Variants in NFIX observed in about 807,000 individuals in gnomAD.
NFIX encodes the protein nuclear factor 1 X-type.
NFIX carries 2 observed loss-of-function variants against 53.3 expected under a neutral mutation model. That is an observed-to-expected ratio of 0.04 (90% CI 0.02 to 0.12). The LOEUF (loss-of-function observed/expected upper bound fraction) is 0.12. Among genes scored for constraint, NFIX ranks in the 10% least tolerant of loss-of-function variants. The pLI is 1.00. For synonymous variants in NFIX, 244 were observed against 289.0 expected, an observed-to-expected ratio of 0.84 and a Z score of 1.58; for missense variants, 310 against 674.5, an observed-to-expected ratio of 0.46 and a Z score of 5.99.
intron 2 of NFIX, among the ~76,000 whole-genome samples, chr19:13,026,198 T>A (rs1014709218): frequency 6.6e-6 from 1 of 151,916 alleles, no homozygotes; most frequent in Non-Finnish European, 1.5e-5. Context: ...TCATAGAGAG[T>A]GAAAACAAGG....
rs1161402883 is a variant in NFIX, at chr19:13,088,779, C to T, written c.1402+643C>T. 6.6e-6 allele frequency among the ~76,000 whole-genome samples: 1 copy of T among 152,154 alleles called. No homozygotes were observed. Among genetic ancestry groups the T allele is most frequent in the East Asian group, 1.9e-4 (1 of 5,190 alleles). On this transcript the variant is annotated intron_variant, in intron 9 of 10. Transcript: ENST00000592199. This position sits in a 1 kb window ranked among gnomAD's most constrained non-coding sequence, Gnocchi z 5.9. ...CAATTCCTTTCCCAGGTTAGATGTT[C>T]CAAGGACGAGGGAGGGCTGTGGGCT... is the stretch of plus-strand genomic sequence containing the variant.
chr19:13,052,214 A>G lies in NFIX; in HGVS notation c.560-20833A>G, dbSNP rs1290580190. Among the ~76,000 whole-genome samples, 1 of 152,002 alleles carries G rather than the reference A, an allele frequency of 6.6e-6. No homozygotes were observed. Among genetic ancestry groups the G allele is most frequent in the Non-Finnish European group, 1.5e-5 (1 of 67,970 alleles). On this transcript the variant is annotated intron_variant, in intron 2 of 10. Coordinates refer to ENST00000592199, the MANE Select transcript of NFIX (RefSeq NM_001365902.3). The surrounding 1 kb of genome is among the most constrained non-coding windows in gnomAD (Gnocchi z 5.2). ...GCAGGGCTCGTGAATCTGCATTTCC[A>G]CCTAGTACCCAGGTGCTGTTGGTCC...
rs1599876986 is a variant in NFIX, at chr19:13,088,667, A to G, written c.1402+531A>G. Among the ~76,000 whole-genome samples, 2 of 147,008 alleles carry G rather than the reference A, an allele frequency of 1.4e-5. No individual in the cohort carries two copies. Among genetic ancestry groups the G allele is most frequent in the East Asian group, 2.0e-4 (1 of 5,038 alleles). On this transcript the variant is annotated intron_variant, in intron 9 of 10. Transcript: ENST00000592199. The surrounding 1 kb of genome is among the most constrained non-coding windows in gnomAD (Gnocchi z 5.9). ...CTCAAAGACGCAGCAGGCCAGCCCG[A>G]CCCCTTCCCCCTCAGTCTCACATTT...
chr19:13,044,274 G>C (rs917875480), intron 2 of NFIX, among the ~76,000 whole-genome samples: 4 of 152,230 alleles, frequency 2.6e-5, no homozygotes, highest in African/African-American at 9.6e-5. Flanking sequence ...TGGCATGGCA[G>C]TGTGGGCCAT....
At chr19:13,031,830 G>C (rs879801715) in intron 2 of NFIX, among the ~76,000 whole-genome samples, 1 of 152,160 alleles carries the variant, frequency 6.6e-6, no homozygotes, top group Non-Finnish European at 1.5e-5. Flanking sequence ...GGGGTAATGA[G>C]GCCAGTGCTA....
chr19:13,042,355 C>CT (rs35785662), intron 2 of NFIX, among the ~76,000 whole-genome samples: 78,232 of 100,582 alleles, frequency 0.78, 32,041 homozygotes, highest in African/African-American at 0.92. Flanking sequence ...CTTTTACATG[C>CT]TTTTTTTTTT....
rs1320209468 is a variant in NFIX, at chr19:13,005,189, G to T, written c.27+9325G>T. Among the ~76,000 whole-genome samples the T allele has an allele frequency of 6.6e-6, 1 of 152,224 alleles. No homozygotes were observed. The highest frequency in any genetic ancestry group is 2.4e-5 in the African/African-American group (1 of 41,454). On this transcript the variant is annotated intron_variant, in intron 1 of 10. Coordinates refer to ENST00000592199, the MANE Select transcript of NFIX (RefSeq NM_001365902.3). The surrounding 1 kb of genome is among the most constrained non-coding windows in gnomAD (Gnocchi z 4.7). ...TAATCCTTTGGCCTTTGACTCCCCA[G>T]TTCTGACCCCAGAGAAAGAAGAGAC...
chr19:13,008,922 G>A (rs566426306), intron 1 of NFIX, among the ~76,000 whole-genome samples: 51 of 152,288 alleles, frequency 3.3e-4, no homozygotes, highest in Admixed American at 2.7e-3. Flanking sequence ...AGAGGAAACC[G>A]GAGTGAGTTC....
Position 13,006,306 on chromosome 19 carries a change from G to C in NFIX, c.27+10442G>C, listed in dbSNP as rs979189139. ...CACCAGGCCCCTTTCTCTCTCCAGG[G>C]GGCAGACTGGAGGTCAAGGGTGTGT... On this transcript the variant is annotated intron_variant, in intron 1 of 10. Transcript: ENST00000592199. The surrounding 1 kb of genome is among the most constrained non-coding windows in gnomAD (Gnocchi z 5.6). 6.6e-6 allele frequency among the ~76,000 whole-genome samples: 1 copy of C among 152,124 alleles called. No individual in the cohort carries two copies. The highest frequency in any genetic ancestry group is 1.5e-5 in the Non-Finnish European group (1 of 68,010).
chr19:13,079,923 A>G (rs2017359061), intron 7 of NFIX, among the ~76,000 whole-genome samples: 1 of 152,242 alleles, frequency 6.6e-6, no homozygotes, highest in Admixed American at 6.5e-5. Context: ...GGCTGAGCAC[A>G]TGAGAACACC....
intron 1 of NFIX, among the ~76,000 whole-genome samples, chr19:13,019,718 TTTTTG>T (rs1370329528): frequency 6.8e-6 from 1 of 146,084 alleles, no homozygotes; most frequent in African/African-American, 2.5e-5. Flanking sequence ...GCTGGTTTTT[TTTTTG>T]TTTGTTTGTT....
At position 13,043,940 on chromosome 19, in the gene NFIX, C is replaced by T. The variant is rs2014810660; in HGVS notation, c.559+18388C>T. On this transcript the variant is annotated intron_variant, in intron 2 of 10. Transcript: ENST00000592199. The surrounding 1 kb of genome is among the most constrained non-coding windows in gnomAD (Gnocchi z 4.0). ...AGGAGTTCGAGCCTGGGCCACGTAG[C>T]AAGACCCCCATCTCTATAAAATAAA... 6.6e-6 allele frequency among the ~76,000 whole-genome samples: 1 copy of T among 152,016 alleles called. No homozygotes were observed. Among genetic ancestry groups the T allele is most frequent in the Non-Finnish European group, 1.5e-5 (1 of 67,998 alleles).
chr19:13,055,663 C>T (rs900389136), intron 2 of NFIX, among the ~76,000 whole-genome samples: 2 of 152,188 alleles, frequency 1.3e-5, no homozygotes, highest in African/African-American at 2.4e-5. Context: ...AGCCCATCTG[C>T]TCGCCCCGGG....
In NFIX at chr19:12,995,877, G is replaced by GC; in HGVS notation, c.27+18dup. 1.0e-6 allele frequency: 1 copy of GC among 975,132 alleles called. No individual in the cohort carries two copies. The highest frequency in any genetic ancestry group is 1.2e-6 in the Non-Finnish European group (1 of 825,530). 60.4% of individuals were successfully genotyped at this position (975,132 alleles called of 1,614,324 possible). Reference sequence around the variant, plus strand: ...CTGCCTCACCCAGGTACCGGCCGCCGCCCCCGCGCGACCGGGGGAGGGGAG... The same window carrying GC: ...CTGCCTCACCCAGGTACCGGCCGCCGCCCCCCGCGCGACCGGGGGAGGGGAG... On this transcript the variant is annotated intron_variant, in intron 1 of 10. Coordinates refer to ENST00000592199, the MANE Select transcript of NFIX (RefSeq NM_001365902.3).
Position 13,049,814 on chromosome 19 carries a change from G to A in NFIX, c.560-23233G>A, listed in dbSNP as rs926115693. 1.3e-5 allele frequency among the ~76,000 whole-genome samples: 2 copies of A among 152,028 alleles called. No homozygotes were observed. The highest frequency in any genetic ancestry group is 4.8e-5 in the African/African-American group (2 of 41,386). On this transcript the variant is annotated intron_variant, in intron 2 of 10. Coordinates refer to ENST00000592199, the MANE Select transcript of NFIX (RefSeq NM_001365902.3). This position sits in a 1 kb window ranked among gnomAD's most constrained non-coding sequence, Gnocchi z 4.5. ...TCACCATATTGGCCAGGCTGGTCTC[G>A]AACTCCTGATCTCGTGATCCGCTCA...
At chr19:13,077,743 G>T (rs992075669) in intron 6 of NFIX, among the ~76,000 whole-genome samples, 3 of 152,218 alleles carry the variant, frequency 2.0e-5, no homozygotes, top group African/African-American at 7.2e-5. Context: ...TTAAAGCTCA[G>T]CCCAAGATGG....
intron 2 of NFIX, among the ~76,000 whole-genome samples, chr19:13,056,742 G>A (rs1437731439): frequency 6.6e-6 from 1 of 152,168 alleles, no homozygotes; most frequent in Non-Finnish European, 1.5e-5. Flanking sequence ...AGAATTTGTG[G>A]GGCCCAGTGC....
Position 13,078,877 on chromosome 19 carries a change from G to C in NFIX, c.1078+142G>C. On this transcript the variant is annotated intron_variant, in intron 7 of 10. Coordinates refer to ENST00000592199, the MANE Select transcript of NFIX (RefSeq NM_001365902.3). The surrounding 1 kb of genome is among the most constrained non-coding windows in gnomAD (Gnocchi z 4.7). ...GTGGGCCAAGGTGCAGCAGCGGGTGGGCATGGGAGCCGGCCCCTGCTTCAC... is the reference window on the plus strand; with the variant it reads ...GTGGGCCAAGGTGCAGCAGCGGGTGCGCATGGGAGCCGGCCCCTGCTTCAC... The C allele has an allele frequency of 9.6e-7, 1 of 1,045,110 alleles. No individual in the cohort carries two copies. The highest frequency in any genetic ancestry group is 1.3e-6 in the Non-Finnish European group (1 of 746,114). The allele number at this position is 1,045,110 out of a possible 1,614,324, so 64.7% of individuals were successfully genotyped here. A position where few individuals can be genotyped will look rare whatever the true frequency, so the allele number is the denominator to read the frequency against.
chr19:13,048,500 C>T (rs1387311904), intron 2 of NFIX, among the ~76,000 whole-genome samples: 1 of 151,352 alleles, frequency 6.6e-6, no homozygotes, highest in African/African-American at 2.4e-5. Context: ...TTTTTTAATT[C>T]CCCATCTCCC....
Sources: gnomAD v4.1 joint callset for allele counts (sites outside exome capture counted in the v4.1 genomes callset) on GRCh38, gnomAD v4.1.1 for gene constraint, Gnocchi (gnomAD v3.1) non-coding constraint, MANE v1.5 for transcripts, NCBI Gene and HGNC (gene_info 2026-07-23, HGNC 2026-07-21) for gene names.